The following CTNNA3 variants were observed in gnomAD, a reference collection of about 807,000 sequenced individuals.
The protein encoded by CTNNA3 is catenin alpha-3.
A neutral mutation model predicts 95.7 loss-of-function variants in CTNNA3; 76 were observed. The observed-to-expected ratio is 0.79, with a 90% CI of 0.66 to 0.96. The LOEUF (loss-of-function observed/expected upper bound fraction) is 0.96, where lower values mean the gene tolerates loss of function less well. CTNNA3 is among the 40% of genes least tolerant of loss of function. The pLI, the probability that CTNNA3 is intolerant of heterozygous loss-of-function variation, is 0.00. For synonymous variants in CTNNA3, 431 were observed against 374.4 expected (o/e 1.15, Z -1.74); for missense variants, 1,191 against 1,089.8 (o/e 1.09, Z -1.31).
chr10:66,431,800 T>C (rs1564956746), intron 11 of CTNNA3, among the ~76,000 whole-genome samples: 1 of 150,114 alleles, frequency 6.7e-6, no homozygotes, highest in Admixed American at 6.6e-5. Flanking sequence ...TAATGTTAAA[T>C]GACCAGTTAA....
intron 5 of CTNNA3, among the ~76,000 whole-genome samples, chr10:67,253,207 G>A (rs1033534970): frequency 4.6e-5 from 7 of 152,172 alleles, no homozygotes; most frequent in African/African-American, 1.7e-4. Context: ...GGGCTACTAA[G>A]TGACTAACGG....
chr10:66,540,946 G>A (rs374411178), intron 10 of CTNNA3, among the ~76,000 whole-genome samples: 61 of 151,994 alleles, frequency 4.0e-4, no homozygotes, highest in South Asian at 6.2e-4. Context: ...TTAACTTTAC[G>A]TAAGTCTTTT....
At chr10:66,385,193 G>A (rs187329729) in intron 11 of CTNNA3, among the ~76,000 whole-genome samples, 4 of 152,024 alleles carry the variant, frequency 2.6e-5, no homozygotes, top group Non-Finnish European at 5.9e-5. Flanking sequence ...TAGACTGCTA[G>A]CAAGACTAAT....
chr10:66,982,563 A>G (rs1194239831), intron 7 of CTNNA3, among the ~76,000 whole-genome samples: 1 of 152,192 alleles, frequency 6.6e-6, no homozygotes, highest in African/African-American at 2.4e-5. Flanking sequence ...AGGAAGAGGT[A>G]TAAAATATTA....
At chr10:66,591,531 A>G (rs1488044638) in intron 10 of CTNNA3, among the ~76,000 whole-genome samples, 3 of 152,122 alleles carry the variant, frequency 2.0e-5, no homozygotes. Flanking sequence ...CAACCCATTC[A>G]TCTGTTGGCT....
intron 15 of CTNNA3, among the ~76,000 whole-genome samples, chr10:66,057,842 T>C (rs1444220193): frequency 6.6e-6 from 1 of 152,180 alleles, no homozygotes; most frequent in Non-Finnish European, 1.5e-5. Context: ...TTCAAAATTG[T>C]AAATAATCCT....
At chr10:66,479,761 G>A (rs1827104182) in intron 11 of CTNNA3, among the ~76,000 whole-genome samples, 1 of 137,614 alleles carries the variant, frequency 7.3e-6, no homozygotes, top group African/African-American at 3.0e-5. Flanking sequence ...TTTTTTAGGT[G>A]TGTTTTTAAC....
intron 2 of CTNNA3, among the ~76,000 whole-genome samples, chr10:67,621,032 GC>G (rs1286870315): frequency 1.3e-5 from 2 of 151,170 alleles, no homozygotes; most frequent in Non-Finnish European, 2.9e-5. Context: ...TTTATGGCAA[GC>G]TTTGGACCAA....
intron 1 of CTNNA3, among the ~76,000 whole-genome samples, chr10:67,714,887 C>G (rs1480461953): frequency 6.6e-6 from 1 of 152,198 alleles, no homozygotes; most frequent in Non-Finnish European, 1.5e-5. Flanking sequence ...GTTCTCTTCT[C>G]TTATCTGCCA....
At chr10:66,242,798 C>T (rs2090161560) in intron 13 of CTNNA3, among the ~76,000 whole-genome samples, 1 of 152,054 alleles carries the variant, frequency 6.6e-6, no homozygotes, top group Non-Finnish European at 1.5e-5. Context: ...ATAAAAATTC[C>T]CTTGAATTCC....
intron 7 of CTNNA3, among the ~76,000 whole-genome samples, chr10:67,080,400 A>G (rs1000584922): frequency 1.3e-5 from 2 of 152,214 alleles, no homozygotes; most frequent in African/African-American, 4.8e-5. Context: ...GAACACATTT[A>G]AATAAACTGA....
At chr10:65,992,042 T>C (rs760595895) in intron 15 of CTNNA3, among the ~76,000 whole-genome samples, 1 of 152,100 alleles carries the variant, frequency 6.6e-6, no homozygotes, top group Non-Finnish European at 1.5e-5. Flanking sequence ...TGATATGATG[T>C]ATCACGTTTA....
At chr10:66,199,625 G>A (rs1300066854) in intron 13 of CTNNA3, among the ~76,000 whole-genome samples, 2 of 150,150 alleles carry the variant, frequency 1.3e-5, no homozygotes, top group Non-Finnish European at 3.0e-5. Flanking sequence ...TTTTTAAGGC[G>A]AAGTCTTGCT....
rs563461247 is a variant in CTNNA3, at chr10:67,743,409, A to T, written c.-2+20025T>A. Among the ~76,000 whole-genome samples, 1,054 of 151,232 alleles carry T rather than the reference A, an allele frequency of 7.0e-3. 25 individuals carry two copies. Among genetic ancestry groups the T allele is most frequent in the African/African-American group, 0.024 (975 of 41,318 alleles). On this transcript the variant is annotated intron_variant, in intron 1 of 17. Transcript: ENST00000684154. ...GAACCAAAGACAAAAACCACATGAT[A>T]ATCTCAATAGATGCAGAAAAGGCCT...
At position 66,177,317 on chromosome 10, in the gene CTNNA3, T is replaced by C. The variant is rs1372665525; in HGVS notation, c.1885-74068A>G. ...GGTTAGAAGCAAAAATGAGAGAAGATATTTTCATAAAAAGTAAGAAAATAA... is the reference window on the plus strand; with the variant it reads ...GGTTAGAAGCAAAAATGAGAGAAGACATTTTCATAAAAAGTAAGAAAATAA... On this transcript the variant is annotated intron_variant, in intron 13 of 17. Transcript: ENST00000433211. Among the ~76,000 whole-genome samples, 4 of 152,058 alleles carry C rather than the reference T, an allele frequency of 2.6e-5. No individual in the cohort carries two copies. In the South Asian group the frequency reaches 6.2e-4, roughly 24 times the overall value.
At chr10:67,089,717 ATGTGTGTGTGTG>A (rs71006125) in intron 7 of CTNNA3, among the ~76,000 whole-genome samples, 6 of 144,742 alleles carry the variant, frequency 4.1e-5, no homozygotes, top group East Asian at 2.1e-4. Flanking sequence ...GTATATACAT[ATGTGTGTGTGTG>A]TGTGTGTGTG....
intron 10 of CTNNA3, among the ~76,000 whole-genome samples, chr10:66,571,749 C>A (rs1361264407): frequency 6.6e-6 from 1 of 151,960 alleles, no homozygotes; most frequent in Non-Finnish European, 1.5e-5. Context: ...CCATAGCGAC[C>A]TTGTTAACAG....
intron 17 of CTNNA3, among the ~76,000 whole-genome samples, chr10:65,931,748 CACAA>C (rs2077257304): frequency 6.6e-6 from 1 of 152,206 alleles, no homozygotes; most frequent in South Asian, 2.1e-4. Flanking sequence ...TCTTATAAAA[CACAA>C]ACAATCTTCC....
At chr10:66,717,267 C>T (rs4746633) in intron 9 of CTNNA3, among the ~76,000 whole-genome samples, 4,939 of 152,172 alleles carry the variant, frequency 0.032, 212 homozygotes, top group East Asian at 0.22. Flanking sequence ...CCCCGACTGA[C>T]ACAGGTAAAT....
Sources: allele counts gnomAD v4.1 joint callset (sites outside exome capture counted in the v4.1 genomes callset), GRCh38; gene constraint gnomAD v4.1.1; transcripts MANE v1.5; gene names NCBI Gene and HGNC (gene_info 2026-07-23, HGNC 2026-07-21).